DNAJB4: variants seen among roughly 807,000 people sequenced by gnomAD.
The protein encoded by DNAJB4 is dnaJ homolog subfamily B member 4.
DNAJB4 carries 10 observed loss-of-function variants against 26.6 expected under a neutral mutation model. The observed-to-expected ratio is 0.38, with a 90% confidence interval of 0.23 to 0.64. The LOEUF (loss-of-function observed/expected upper bound fraction) is 0.64, where lower values mean the gene tolerates loss of function less well. DNAJB4 is among the 30% of genes least tolerant of loss of function. DNAJB4 has a pLI of 0.58. For missense variants in DNAJB4, 328 were observed against 408.2 expected, an observed-to-expected ratio of 0.80 and a Z score of 1.69; for synonymous variants, 136 against 134.8, an observed-to-expected ratio of 1.01 and a Z score of -0.06.
At chr1:77,988,146 T>TGAGTAG (rs1659845030) in intron 1 of DNAJB4, among the ~76,000 whole-genome samples, 1 of 151,156 alleles carries the variant, frequency 6.6e-6, no homozygotes, top group Admixed American at 6.6e-5. Flanking sequence ...CTCGGCCTTC[T>TGAGTAG]GAGTAGCTAG....
intron 2 of DNAJB4, 69 bp from the exon 3 acceptor site, chr1:78,015,945 T>A: frequency 7.8e-7 from 1 of 1,283,862 alleles, no homozygotes. Flanking sequence ...CTTTACCATC[T>A]GGTAAAATTT....
At chr1:77,988,475 A>G (rs2102589996) in intron 1 of DNAJB4, among the ~76,000 whole-genome samples, 1 of 152,264 alleles carries the variant, frequency 6.6e-6, no homozygotes, top group Non-Finnish European at 1.5e-5. Context: ...TCTGTATTGC[A>G]TCTGTTATTT....
At chr1:78,002,439 A>G (rs973565419), upstream of DNAJB4, among the ~76,000 whole-genome samples, 1 of 152,222 alleles carries the variant, frequency 6.6e-6, no homozygotes, top group Admixed American at 6.5e-5. Flanking sequence ...TATCTCCAAA[A>G]TGCTATGTAC....
At chr1:77,990,714 A>C (rs760073048) in intron 1 of DNAJB4, among the ~76,000 whole-genome samples, 26 of 152,230 alleles carry the variant, frequency 1.7e-4, no homozygotes, top group Non-Finnish European at 3.7e-4. Flanking sequence ...TTGTCAATCC[A>C]GAAATGGGCA....
At chr1:78,015,214 A>G (rs1366139802) in intron 2 of DNAJB4, among the ~76,000 whole-genome samples, 2 of 152,328 alleles carry the variant, frequency 1.3e-5, no homozygotes, top group East Asian at 3.9e-4. Flanking sequence ...AATGTGTGGC[A>G]TATAGTAAAT....
chr1:78,016,544 G>A lies in DNAJB4; in HGVS notation c.*297G>A. ...AGTCAGTGGATATATTTCTAATGAAGTGCTAGACTATCCAATTACTTAATT... is the reference window on the plus strand; with the variant it reads ...AGTCAGTGGATATATTTCTAATGAAATGCTAGACTATCCAATTACTTAATT... On this transcript the variant is annotated 3_prime_UTR_variant, in exon 3 of 3. Transcript: ENST00000370763. 1 of 305,214 alleles carries A rather than the reference G, an allele frequency of 3.3e-6. No homozygotes were observed. Among genetic ancestry groups the A allele is most frequent in the Admixed American group, 4.7e-5 (1 of 21,326 alleles). The allele number at this position is 305,214 out of a possible 1,614,324, so 18.9% of individuals were successfully genotyped here.
Position 78,016,047 on chromosome 1 carries a change from C to A in DNAJB4, c.814C>A (p.Leu272Met). ...TGGCTGCTCAATTAATGTACCAACA[C>A]TGGATGGAAGAAACATACCTATGTC... ...LCGCSINVPTLDGRNIPMSVN... is the reference protein window; with the variant it reads ...LCGCSINVPTMDGRNIPMSVN... Residue 272 changes from leucine to methionine, a missense_variant, in exon 3 of 3, where the codon CTG (leucine) becomes ATG (methionine). Coordinates refer to ENST00000370763, the MANE Select transcript of DNAJB4 (RefSeq NM_007034.5). 1 of 1,614,018 alleles carries A rather than the reference C, an allele frequency of 6.2e-7. No homozygotes were observed. Among genetic ancestry groups the A allele is most frequent in the Non-Finnish European group, 8.5e-7 (1 of 1,179,990 alleles).
intron 1 of DNAJB4, among the ~76,000 whole-genome samples, chr1:77,981,501 A>G (rs1659646653): frequency 6.6e-6 from 1 of 152,028 alleles, no homozygotes; most frequent in African/African-American, 2.4e-5. Context: ...TTTAGTAGAG[A>G]CAGTGTTTCA....
At position 78,017,412 on chromosome 1, in the gene DNAJB4, C is replaced by A. The variant is rs1274543119; in HGVS notation, c.*1165C>A. 2 of 151,638 alleles carry A rather than the reference C, an allele frequency of 1.3e-5. No homozygotes were observed. The highest frequency in any genetic ancestry group is 2.9e-5 in the Non-Finnish European group (2 of 67,852). 9.4% of individuals were successfully genotyped at this position (151,638 alleles called of 1,614,324 possible). A position where few individuals can be genotyped will look rare whatever the true frequency, so the allele number is the denominator to read the frequency against. On this transcript the variant is annotated 3_prime_UTR_variant, in exon 3 of 3. Coordinates refer to ENST00000370763, the MANE Select transcript of DNAJB4 (RefSeq NM_007034.5). ...GTTTTCAGGATTATATATATATATA[C>A]TGGATCCTATCGCCTTTTAGTAGAA...
At chr1:77,980,892 GA>G (rs568151912) in intron 1 of DNAJB4, among the ~76,000 whole-genome samples, 172 of 152,222 alleles carry the variant, frequency 1.1e-3, no homozygotes, top group African/African-American at 4.0e-3. Context: ...ATTTGCATTT[GA>G]AAAATCAGTG....
chr1:77,996,391 G>C (rs1305117604), intron 1 of DNAJB4, among the ~76,000 whole-genome samples: 1 of 152,164 alleles, frequency 6.6e-6, no homozygotes, highest in Non-Finnish European at 1.5e-5. Flanking sequence ...CTGGGCTCAA[G>C]TGATCCTCTC....
At chr1:77,982,327 C>T (rs1427651481) in intron 1 of DNAJB4, among the ~76,000 whole-genome samples, 3 of 152,096 alleles carry the variant, frequency 2.0e-5, no homozygotes, top group Non-Finnish European at 2.9e-5. Flanking sequence ...GTGGTCAAAA[C>T]ATTTATTGTT....
chr1:78,014,763 G>T (rs1460033758), intron 2 of DNAJB4, among the ~76,000 whole-genome samples: 1 of 151,920 alleles, frequency 6.6e-6, no homozygotes, highest in Non-Finnish European at 1.5e-5. Context: ...ACCATGCCCA[G>T]CTGATTTTCA....
intron 1 of DNAJB4, among the ~76,000 whole-genome samples, chr1:77,983,412 A>G (rs1659714618): frequency 1.3e-5 from 2 of 151,952 alleles, no homozygotes; most frequent in Admixed American, 6.5e-5. Context: ...CTCAGCACAG[A>G]CCCTTTACGG....
intron 2 of DNAJB4, among the ~76,000 whole-genome samples, 173 bp downstream of exon 2, chr1:78,013,792 T>C (rs1430433374): frequency 6.6e-6 from 1 of 152,162 alleles, no homozygotes; most frequent in African/African-American, 2.4e-5. Flanking sequence ...GATGTGATTA[T>C]ATTTTCTAAC....
At chr1:77,995,498 G>A (rs1660039193) in intron 1 of DNAJB4, among the ~76,000 whole-genome samples, 1 of 152,226 alleles carries the variant, frequency 6.6e-6, no homozygotes, top group Admixed American at 6.5e-5. Flanking sequence ...GCCCAGGCTT[G>A]AAGTGCAGTG....
chr1:78,001,600 G>A (rs935360384), upstream of DNAJB4, among the ~76,000 whole-genome samples: 15 of 152,292 alleles, frequency 9.8e-5, no homozygotes, highest in Admixed American at 9.8e-4. Flanking sequence ...TATGAATAAA[G>A]TCAAAGTAGA....
chr1:78,012,108 AT>A, intron 1 of DNAJB4, among the ~76,000 whole-genome samples: 1 of 32,846 alleles, frequency 3.0e-5, no homozygotes, highest in Non-Finnish European at 6.8e-5. Context: ...AGCATGCCAG[AT>A]CAGTAGTTTA....
At chr1:77,982,723 G>A (rs541116207) in intron 1 of DNAJB4, among the ~76,000 whole-genome samples, 3 of 152,318 alleles carry the variant, frequency 2.0e-5, no homozygotes, top group East Asian at 1.9e-4. Context: ...GCCTGAACCC[G>A]GGACGGGGAG....
Sources: gnomAD v4.1 joint callset for allele counts (sites outside exome capture counted in the v4.1 genomes callset) on GRCh38, gnomAD v4.1.1 for gene constraint, MANE v1.5 for transcripts, NCBI Gene and HGNC (gene_info 2026-07-23, HGNC 2026-07-21) for gene names.